The following RXRA variants were observed in gnomAD, a reference collection of about 807,000 sequenced individuals.
The protein encoded by RXRA is retinoic acid receptor RXR-alpha.
RXRA carries 5 observed loss-of-function variants against 44.5 expected under a neutral mutation model. The observed-to-expected ratio is 0.11, with a 90% CI of 0.06 to 0.24. The LOEUF is 0.24. RXRA is among the 10% of genes least tolerant of loss of function. The pLI is 1.00. For missense variants in RXRA, 412 were observed against 646.5 expected, an observed-to-expected ratio of 0.64 and a Z score of 3.93; for synonymous variants, 291 against 271.4, an observed-to-expected ratio of 1.07 and a Z score of -0.71.
chr9:134,439,190 A>G lies in RXRA; in HGVS notation c.*2576A>G, dbSNP rs1348785654. 1 of 152,250 alleles carries G rather than the reference A, an allele frequency of 6.6e-6. No homozygotes were observed. Among genetic ancestry groups the G allele is most frequent in the Non-Finnish European group, 1.5e-5 (1 of 68,050 alleles). The allele number at this position is 152,250 out of a possible 1,614,324, so 9.4% of individuals were successfully genotyped here. ...TTAATTTTCTAAAGATAGCACTAAC[A>G]TCAGCTCATTAGCCACCTGTGCCTG... On this transcript the variant is annotated 3_prime_UTR_variant, in exon 10 of 10. Coordinates refer to ENST00000481739, the MANE Select transcript of RXRA (RefSeq NM_002957.6).
At chr9:134,394,000 C>G (rs559767393) in intron 1 of RXRA, among the ~76,000 whole-genome samples, 12 of 151,834 alleles carry the variant, frequency 7.9e-5, no homozygotes, top group Non-Finnish European at 1.6e-4. Flanking sequence ...AAACACCATC[C>G]CCTTGCTATT....
intron 1 of RXRA, among the ~76,000 whole-genome samples, chr9:134,387,836 C>T (rs1830742386): frequency 2.0e-5 from 3 of 152,214 alleles, no homozygotes; most frequent in African/African-American, 2.4e-5. Flanking sequence ...GCCCGTGCCT[C>T]GCTTGGGCTG....
Position 134,429,093 on chromosome 9 carries a change from G to T in RXRA, c.911-15G>T, listed in dbSNP as rs1831485756. On this transcript the variant is annotated splice_polypyrimidine_tract_variant and intron_variant, in intron 6 of 9. Coordinates refer to ENST00000481739, the MANE Select transcript of RXRA (RefSeq NM_002957.6). ...GGCCTGGAGACAGCTGAGTGACTGT[G>T]TGCCTCCTCCCCAGGCTGGAATGAG... 1.2e-6 allele frequency: 2 copies of T among 1,612,764 alleles called. No individual in the cohort carries two copies. The highest frequency in any genetic ancestry group is 1.7e-6 in the Non-Finnish European group (2 of 1,179,874).
chr9:134,331,066 G>A (rs1009114491), intron 1 of RXRA, among the ~76,000 whole-genome samples: 3 of 152,138 alleles, frequency 2.0e-5, no homozygotes, highest in Admixed American at 6.5e-5. Context: ...AGAGGACATC[G>A]GGGACACTGA....
intron 1 of RXRA, among the ~76,000 whole-genome samples, chr9:134,355,482 AGTT>A (rs1441137251): frequency 7.8e-6 from 1 of 128,388 alleles, no homozygotes; most frequent in Non-Finnish European, 1.6e-5. Context: ...GGGAACTGCT[AGTT>A]GTTATTTTTG....
intron 1 of RXRA, among the ~76,000 whole-genome samples, chr9:134,355,974 C>T (rs1830278683): frequency 6.6e-6 from 1 of 152,024 alleles, no homozygotes; most frequent in Non-Finnish European, 1.5e-5. Context: ...GGGGCAGCTC[C>T]CTGCCCTCGG....
At chr9:134,355,954 G>C (rs1016288768) in intron 1 of RXRA, among the ~76,000 whole-genome samples, 11 of 152,282 alleles carry the variant, frequency 7.2e-5, no homozygotes, top group African/African-American at 2.6e-4. Context: ...GAGGGCAGCT[G>C]AGGGGGTGGG....
intron 1 of RXRA, among the ~76,000 whole-genome samples, chr9:134,397,573 C>A (rs1180701106): frequency 6.6e-6 from 1 of 152,202 alleles, no homozygotes; most frequent in Non-Finnish European, 1.5e-5. Context: ...CTTGGGGCTA[C>A]TGGGCACTGC....
At position 134,366,316 on chromosome 9, in the gene RXRA, A is replaced by G. The variant is rs1588267042; in HGVS notation, c.29-35316A>G. Among the ~76,000 whole-genome samples the G allele has an allele frequency of 6.6e-6, 1 of 150,872 alleles. No individual in the cohort carries two copies. Among genetic ancestry groups the G allele is most frequent in the South Asian group, 2.1e-4 (1 of 4,790 alleles). On this transcript the variant is annotated intron_variant, in intron 1 of 9. Coordinates refer to ENST00000481739, the MANE Select transcript of RXRA (RefSeq NM_002957.6). The surrounding 1 kb of genome is among the most constrained non-coding windows in gnomAD (Gnocchi z 5.9). ...GCCTCTCCCTCTGCCCACCCCCCCC[A>G]TGCCTGCCCTGCCAGCAGGTCCAGC...
At chr9:134,337,877 G>C (rs1169121501) in intron 1 of RXRA, among the ~76,000 whole-genome samples, 1 of 152,100 alleles carries the variant, frequency 6.6e-6, no homozygotes, top group African/African-American at 2.4e-5. Flanking sequence ...TCTCCAAAAA[G>C]AAACGAGACA....
chr9:134,426,425 A>G lies in RXRA; in HGVS notation c.911-2683A>G. On this transcript the variant is annotated intron_variant, in intron 6 of 9. Coordinates refer to ENST00000481739, the MANE Select transcript of RXRA (RefSeq NM_002957.6). The surrounding 1 kb of genome is among the most constrained non-coding windows in gnomAD (Gnocchi z 4.6). ...AGCTTACAAAGGTGTGTGGGGCAGG[A>G]GAGGAGAAATAACCGAGTGAGGACA... The G allele has an allele frequency of 1.0e-6, 1 of 985,330 alleles. No homozygotes were observed. Among genetic ancestry groups the G allele is most frequent in the Non-Finnish European group, 1.2e-6 (1 of 829,908 alleles). The allele number at this position is 985,330 out of a possible 1,614,324, so 61.0% of individuals were successfully genotyped here. A position where few individuals can be genotyped will look rare whatever the true frequency, so the allele number is the denominator to read the frequency against.
At chr9:134,405,708 A>C (rs928469373) in intron 2 of RXRA, 1 of 152,454 alleles carries the variant, frequency 6.6e-6, no homozygotes, top group Non-Finnish European at 1.5e-5. Flanking sequence ...CTGGACCTGC[A>C]GAGTCATGGC....
intron 1 of RXRA, among the ~76,000 whole-genome samples, chr9:134,371,102 C>T (rs1476546894): frequency 6.6e-6 from 1 of 152,140 alleles, no homozygotes; most frequent in Non-Finnish European, 1.5e-5. Context: ...AGAGAGTGCC[C>T]TGGAGAGGGG....
intron 5 of RXRA, among the ~76,000 whole-genome samples, chr9:134,420,256 C>G (rs1588301714): frequency 6.6e-6 from 1 of 152,234 alleles, no homozygotes; most frequent in African/African-American, 2.4e-5. Flanking sequence ...CCCCTTTCAG[C>G]CCCCAGCGTG....
chr9:134,392,538 G>A (rs1376852889), intron 1 of RXRA, among the ~76,000 whole-genome samples: 1 of 152,160 alleles, frequency 6.6e-6, no homozygotes, highest in African/African-American at 2.4e-5. Context: ...AGAGCTGCGC[G>A]ATTTCCATCA....
intron 4 of RXRA, among the ~76,000 whole-genome samples, chr9:134,410,435 A>C (rs1035927219): frequency 6.6e-6 from 1 of 152,108 alleles, no homozygotes; most frequent in African/African-American, 2.4e-5. Flanking sequence ...TGTTGCTTTC[A>C]CCAGAGGGCA....
Position 134,407,884 on chromosome 9 carries a change from T to C in RXRA, c.280-265T>C, listed in dbSNP as rs1588293141. ...GGGACCGCCCATGTGTTGGGGGGGG[T>C]GTTGAAGGTCCTTTTCCACAGAGGC... On this transcript the variant is annotated intron_variant, in intron 2 of 9. Transcript: ENST00000481739. The surrounding 1 kb of genome is among the most constrained non-coding windows in gnomAD (Gnocchi z 4.8). Among the ~76,000 whole-genome samples the C allele has an allele frequency of 6.8e-6, 1 of 146,340 alleles. No homozygotes were observed. Among genetic ancestry groups the C allele is most frequent in the African/African-American group, 2.6e-5 (1 of 39,096 alleles).
chr9:134,340,098 C>T (rs541707620), intron 1 of RXRA, among the ~76,000 whole-genome samples: 14 of 151,994 alleles, frequency 9.2e-5, no homozygotes, highest in East Asian at 1.9e-4. Context: ...CTTGTGTCCT[C>T]GTGTCTCCCT....
chr9:134,402,096 A>T, intron 2 of RXRA: 1 of 557,134 alleles, frequency 1.8e-6, no homozygotes, highest in South Asian at 2.5e-5. Flanking sequence ...TTGGATCATC[A>T]GCCGAGGTGA....
Sources: gnomAD v4.1 joint callset for allele counts (sites outside exome capture counted in the v4.1 genomes callset) on GRCh38, gnomAD v4.1.1 for gene constraint, Gnocchi (gnomAD v3.1) non-coding constraint, MANE v1.5 for transcripts, NCBI Gene and HGNC (gene_info 2026-07-23, HGNC 2026-07-21) for gene names.